The following TAFA2 variants were observed in gnomAD, a reference collection of about 807,000 sequenced individuals.
TAFA2 encodes the protein TAFA chemokine like family member 2.
Under a neutral mutation model 18.8 loss-of-function variants are expected in TAFA2, and 7 were observed. The ratio of observed to expected loss-of-function variants is 0.37; its 90% CI spans 0.21 to 0.70. The LOEUF is 0.70. Among genes scored for constraint, TAFA2 ranks in the 30% least tolerant of loss-of-function variants. The pLI, the probability that TAFA2 is intolerant of heterozygous loss-of-function variation, is 0.53. For synonymous variants in TAFA2, 60 were observed against 54.2 expected (o/e 1.11, Z -0.47); for missense variants, 122 against 158.1 (o/e 0.77, Z 1.23).
chr12:61,937,277 A>G (rs1388159884), intron 1 of TAFA2, among the ~76,000 whole-genome samples: 1 of 152,126 alleles, frequency 6.6e-6, no homozygotes, highest in Non-Finnish European at 1.5e-5. Flanking sequence ...AAATATCAAC[A>G]TCATTTTTCA....
intron 1 of TAFA2, among the ~76,000 whole-genome samples, chr12:62,256,610 C>T (rs151283535): frequency 4.1e-4 from 63 of 152,322 alleles, no homozygotes; most frequent in African/African-American, 1.3e-3. Context: ...TAGCAAGTGG[C>T]ACTGAGCCAG....
chr12:62,049,814 T>C (rs1283530028), intron 1 of TAFA2, among the ~76,000 whole-genome samples: 1 of 152,188 alleles, frequency 6.6e-6, no homozygotes, highest in East Asian at 1.9e-4. Flanking sequence ...AGAGAATATG[T>C]AGGAATCTTG....
chr12:61,940,560 A>G (rs562632593), intron 1 of TAFA2, among the ~76,000 whole-genome samples: 1 of 152,356 alleles, frequency 6.6e-6, no homozygotes, highest in Non-Finnish European at 1.5e-5. Context: ...TTTAGAGGTA[A>G]CAATCACATA....
At chr12:62,215,579 A>AG (rs1193681257) in intron 1 of TAFA2, among the ~76,000 whole-genome samples, 7 of 122,902 alleles carry the variant, frequency 5.7e-5, no homozygotes, top group Non-Finnish European at 1.1e-4. Context: ...AAAAAAAAAA[A>AG]GGGGCGGAAG....
At chr12:62,003,036 C>T (rs1165256322) in intron 1 of TAFA2, among the ~76,000 whole-genome samples, 1 of 152,122 alleles carries the variant, frequency 6.6e-6, no homozygotes, top group Non-Finnish European at 1.5e-5. Context: ...TACTCCCTTG[C>T]ATACATCCTT....
At chr12:62,053,748 C>A (rs1257990438) in intron 1 of TAFA2, among the ~76,000 whole-genome samples, 3 of 152,110 alleles carry the variant, frequency 2.0e-5, no homozygotes, top group African/African-American at 7.2e-5. Flanking sequence ...AAACCTGGTT[C>A]TACTGCTTAG....
intron 1 of TAFA2, among the ~76,000 whole-genome samples, chr12:61,900,747 G>A (rs1876062950): frequency 1.3e-5 from 2 of 152,132 alleles, no homozygotes; most frequent in African/African-American, 4.8e-5. Flanking sequence ...GATTTGGGTG[G>A]GGATATAGCC....
chr12:61,762,307 G>T (rs1022132822), intron 2 of TAFA2, among the ~76,000 whole-genome samples: 2 of 151,966 alleles, frequency 1.3e-5, no homozygotes, highest in African/African-American at 2.4e-5. Flanking sequence ...GTGTATCACT[G>T]TCCTTACACA....
At chr12:62,146,316 C>A (rs1220532867) in intron 1 of TAFA2, among the ~76,000 whole-genome samples, 1 of 126,200 alleles carries the variant, frequency 7.9e-6, no homozygotes, top group Admixed American at 1.0e-4. Context: ...CAGGATCTGG[C>A]TCTGTTGCCC....
chr12:61,855,567 A>G, intron 2 of TAFA2, among the ~76,000 whole-genome samples: 1 of 152,192 alleles, frequency 6.6e-6, no homozygotes, highest in East Asian at 1.9e-4. Context: ...ATGTATATTT[A>G]TATTTCATCT....
chr12:62,062,811 G>A (rs1035097992), intron 1 of TAFA2, among the ~76,000 whole-genome samples: 2 of 152,102 alleles, frequency 1.3e-5, no homozygotes, highest in African/African-American at 4.8e-5. Context: ...AATAGTGGAG[G>A]TAACCATTTT....
At chr12:62,139,144 AT>A (rs1386593861) in intron 1 of TAFA2, among the ~76,000 whole-genome samples, 1 of 152,158 alleles carries the variant, frequency 6.6e-6, no homozygotes, top group Non-Finnish European at 1.5e-5. Context: ...GATCTTGTCA[AT>A]CTCTGCTAAA....
At chr12:61,754,211 A>T (rs945652043) in intron 3 of TAFA2, among the ~76,000 whole-genome samples, 2 of 151,988 alleles carry the variant, frequency 1.3e-5, no homozygotes, top group East Asian at 3.9e-4. Context: ...TAAGATGGTT[A>T]TCAGGAGGGT....
At chr12:61,770,398 T>C (rs1225741501) in intron 2 of TAFA2, among the ~76,000 whole-genome samples, 2 of 152,040 alleles carry the variant, frequency 1.3e-5, no homozygotes, top group Admixed American at 6.6e-5. Flanking sequence ...ACCTGGGAAA[T>C]TCATTGCAAA....
intron 1 of TAFA2, among the ~76,000 whole-genome samples, chr12:62,035,555 TAA>T (rs59314641): frequency 3.0e-3 from 433 of 143,764 alleles, no homozygotes; most frequent in African/African-American, 0.01. Flanking sequence ...TAAAAAAAAT[TAA>T]AAAAAAAAAC....
chr12:61,733,836 G>A (rs1341898067), intron 4 of TAFA2, among the ~76,000 whole-genome samples: 1 of 151,628 alleles, frequency 6.6e-6, no homozygotes, highest in Non-Finnish European at 1.5e-5. Context: ...TGATGGGGAT[G>A]GCATTGAATC....
At chr12:61,723,815 T>C (rs1484132904) in intron 4 of TAFA2, among the ~76,000 whole-genome samples, 1 of 152,106 alleles carries the variant, frequency 6.6e-6, no homozygotes, top group Non-Finnish European at 1.5e-5. Context: ...ACAGTTAATA[T>C]TTCAGTTAGA....
At chr12:62,080,047 C>T (rs1868295963) in intron 1 of TAFA2, among the ~76,000 whole-genome samples, 1 of 152,210 alleles carries the variant, frequency 6.6e-6, no homozygotes. Context: ...AGTGCTCTTC[C>T]AAGACCATGT....
chr12:61,994,740 C>A (rs529863728), intron 1 of TAFA2, among the ~76,000 whole-genome samples: 5 of 152,256 alleles, frequency 3.3e-5, no homozygotes, highest in African/African-American at 1.2e-4. Context: ...CACTCAATCT[C>A]CCTTCGTTTC....
Sources: allele counts gnomAD v4.1 joint callset (sites outside exome capture counted in the v4.1 genomes callset), GRCh38; gene constraint gnomAD v4.1.1; transcripts MANE v1.5; gene names NCBI Gene and HGNC (gene_info 2026-07-23, HGNC 2026-07-21).